Variants in DLGAP2 observed in about 807,000 individuals in gnomAD.
DLGAP2 encodes DLG associated protein 2.
DLGAP2 carries 26 observed loss-of-function variants against 100.3 expected under a neutral mutation model. The ratio of observed to expected loss-of-function variants is 0.26; its 90% confidence interval spans 0.19 to 0.36. The LOEUF (loss-of-function observed/expected upper bound fraction) is 0.36, where lower values mean the gene tolerates loss of function less well. Ranked by LOEUF, DLGAP2 falls within the 10% of genes least tolerant of loss-of-function variation. The pLI is 1.00. For synonymous variants in DLGAP2, 886 were observed against 630.1 expected, an observed-to-expected ratio of 1.41 and a Z score of -6.08; for missense variants, 1,858 against 1,453.2, an observed-to-expected ratio of 1.28 and a Z score of -4.53.
At chr8:959,465 G>A (rs759498470) in intron 2 of DLGAP2, among the ~76,000 whole-genome samples, 1 of 152,212 alleles carries the variant, frequency 6.6e-6, no homozygotes. Flanking sequence ...GCTCATGCTG[G>A]CTTAGAATGT....
At chr8:1,606,235 C>T (rs1020492079) in intron 6 of DLGAP2, among the ~76,000 whole-genome samples, 1 of 152,100 alleles carries the variant, frequency 6.6e-6, no homozygotes, top group Non-Finnish European at 1.5e-5. Flanking sequence ...GAGTGCTCTT[C>T]GTATCTTATT....
At chr8:1,666,286 A>G (rs1798542358) in intron 8 of DLGAP2, among the ~76,000 whole-genome samples, 1 of 152,216 alleles carries the variant, frequency 6.6e-6, no homozygotes, top group Admixed American at 6.5e-5. Flanking sequence ...GTAAAAGAGA[A>G]GCTCAGCACC....
intron 2 of DLGAP2, among the ~76,000 whole-genome samples, chr8:980,150 C>T (rs1168827325): frequency 6.6e-6 from 1 of 152,146 alleles, no homozygotes; most frequent in Non-Finnish European, 1.5e-5. Flanking sequence ...GAGGAGACCT[C>T]TCAGGAGACA....
At chr8:749,443 A>G (rs1384891408) in intron 1 of DLGAP2, among the ~76,000 whole-genome samples, 3 of 152,272 alleles carry the variant, frequency 2.0e-5, no homozygotes, top group Admixed American at 1.3e-4. Flanking sequence ...AAAAATCAGA[A>G]TTGGAAATTA....
intron 1 of DLGAP2, among the ~76,000 whole-genome samples, chr8:836,218 G>A (rs1796872619): frequency 6.6e-6 from 1 of 152,300 alleles, no homozygotes; most frequent in South Asian, 2.1e-4. Context: ...GGAAAGCCCC[G>A]GCCGCCTCCT....
intron 4 of DLGAP2, 61 bp downstream of exon 4, chr8:1,501,492 G>T (rs1025469189): frequency 3.4e-6 from 5 of 1,488,832 alleles, no homozygotes; most frequent in Non-Finnish European, 4.5e-6. Context: ...CATGCTCCGG[G>T]CACCTCCCAT....
chr8:1,184,849 C>G (rs1797465701), intron 2 of DLGAP2, among the ~76,000 whole-genome samples: 1 of 152,156 alleles, frequency 6.6e-6, no homozygotes, highest in Non-Finnish European at 1.5e-5. Flanking sequence ...GCCTTATAAT[C>G]TCCATGCCAG....
intron 2 of DLGAP2, among the ~76,000 whole-genome samples, chr8:949,151 G>T (rs1203614024): frequency 6.6e-6 from 1 of 152,234 alleles, no homozygotes; most frequent in Non-Finnish European, 1.5e-5. Context: ...ACAGCTGAAG[G>T]GATTTGTGGG....
intron 1 of DLGAP2, among the ~76,000 whole-genome samples, chr8:883,553 C>G (rs544698285): frequency 1.3e-5 from 2 of 150,792 alleles, no homozygotes; most frequent in African/African-American, 4.9e-5. Flanking sequence ...ACAGAATGTG[C>G]AGGTTTGTTA....
chr8:1,026,905 G>A (rs1801817247), intron 2 of DLGAP2, among the ~76,000 whole-genome samples: 1 of 152,114 alleles, frequency 6.6e-6, no homozygotes, highest in Non-Finnish European at 1.5e-5. Context: ...AAAGGTTATC[G>A]CTAAACATTG....
At chr8:921,353 G>A (rs1798710102) in intron 2 of DLGAP2, among the ~76,000 whole-genome samples, 1 of 151,842 alleles carries the variant, frequency 6.6e-6, no homozygotes, top group Non-Finnish European at 1.5e-5. Context: ...CTGTGTCCAC[G>A]TGTCCACAGA....
intron 2 of DLGAP2, among the ~76,000 whole-genome samples, chr8:1,243,078 C>T (rs1356511408): frequency 6.6e-6 from 1 of 152,154 alleles, no homozygotes; most frequent in African/African-American, 2.4e-5. Flanking sequence ...CCCCATGTTG[C>T]GTTACTTTGT....
intron 6 of DLGAP2, among the ~76,000 whole-genome samples, chr8:1,589,032 C>G (rs1796212700): frequency 6.6e-6 from 1 of 152,146 alleles, no homozygotes; most frequent in Non-Finnish European, 1.5e-5. Context: ...GTACCATATC[C>G]TAGTTGACAC....
chr8:1,329,018 A>G (rs1241657677), intron 3 of DLGAP2, among the ~76,000 whole-genome samples: 2 of 152,230 alleles, frequency 1.3e-5, no homozygotes, highest in Non-Finnish European at 2.9e-5. Flanking sequence ...CAGAGTCCAC[A>G]TGCTGGGCAC....
intron 2 of DLGAP2, among the ~76,000 whole-genome samples, chr8:1,154,886 A>G (rs1369957333): frequency 6.6e-6 from 1 of 152,128 alleles, no homozygotes; most frequent in Non-Finnish European, 1.5e-5. Context: ...AGTGTCTGCT[A>G]CCTGGACGCG....
At chr8:1,317,153 A>T (rs1170915841) in intron 3 of DLGAP2, among the ~76,000 whole-genome samples, 5 of 125,808 alleles carry the variant, frequency 4.0e-5, no homozygotes, top group Non-Finnish European at 8.0e-5. Flanking sequence ...CACTGGAGAA[A>T]CTCGGCAGCT....
chr8:1,449,580 T>C (rs1798080555), intron 3 of DLGAP2, among the ~76,000 whole-genome samples: 3 of 152,296 alleles, frequency 2.0e-5, no homozygotes, highest in Middle Eastern at 6.8e-3. Flanking sequence ...ACCCCGTTCC[T>C]GAGCTCCAGG....
At chr8:1,415,490 G>A (rs374227984) in intron 3 of DLGAP2, among the ~76,000 whole-genome samples, 17 of 151,996 alleles carry the variant, frequency 1.1e-4, no homozygotes, top group African/African-American at 3.9e-4. Flanking sequence ...TAGCCCTGGT[G>A]TCTGCTGTTC....
chr8:1,622,386 T>G (rs1328738656), intron 6 of DLGAP2: 1 of 152,174 alleles, frequency 6.6e-6, no homozygotes, highest in Non-Finnish European at 1.5e-5. Context: ...ATGGTTTACG[T>G]TGTGTATTTT....
Sources: allele counts gnomAD v4.1 joint callset (sites outside exome capture counted in the v4.1 genomes callset), GRCh38; gene constraint gnomAD v4.1.1; transcripts MANE v1.5; gene names NCBI Gene and HGNC (gene_info 2026-07-23, HGNC 2026-07-21).